NEK11: variants seen among roughly 807,000 people sequenced by gnomAD.
NEK11 encodes NIMA related kinase 11, also known as serine/threonine-protein kinase Nek11.
Under a neutral mutation model 80.7 loss-of-function variants are expected in NEK11, and 72 were observed. The observed-to-expected ratio is 0.89, with a 90% CI of 0.74 to 1.08. The LOEUF (loss-of-function observed/expected upper bound fraction) is 1.08. Among genes scored for constraint, NEK11 ranks in the 50% least tolerant of loss-of-function variants. The pLI, the probability that NEK11 is intolerant of heterozygous loss-of-function variation, is 0.00. For missense variants in NEK11, 764 were observed against 763.6 expected, an observed-to-expected ratio of 1.00 and a Z score of -0.01; for synonymous variants, 251 against 260.7, an observed-to-expected ratio of 0.96 and a Z score of 0.36.
chr3:131,124,113 C>A (rs1232545787), intron 5 of NEK11, among the ~76,000 whole-genome samples: 4 of 152,076 alleles, frequency 2.6e-5, no homozygotes, highest in African/African-American at 7.2e-5. Flanking sequence ...TAACCAAACT[C>A]CAGAAAAGGT....
At chr3:131,044,422 C>CAAAAAAAAAAAAAAAAA (rs57412173) in intron 3 of NEK11, among the ~76,000 whole-genome samples, 5 of 37,760 alleles carry the variant, frequency 1.3e-4, no homozygotes, top group Non-Finnish European at 2.0e-4. Context: ...AAATGGAAAG[C>CAAAAAAAAAAAAAAAAA]AAAAAAAAAA....
At chr3:131,078,248 C>T (rs114691209) in intron 3 of NEK11, among the ~76,000 whole-genome samples, 2 of 152,046 alleles carry the variant, frequency 1.3e-5, no homozygotes, top group Non-Finnish European at 2.9e-5. Context: ...AAGTGACTTC[C>T]CAGTAATGGT....
At chr3:131,123,487 T>C (rs1298275329) in intron 5 of NEK11, among the ~76,000 whole-genome samples, 1 of 152,156 alleles carries the variant, frequency 6.6e-6, no homozygotes, top group African/African-American at 2.4e-5. Context: ...TCAATAGATA[T>C]TTAGCAAATA....
At chr3:131,265,361 T>A (rs1017859576) in intron 16 of NEK11, among the ~76,000 whole-genome samples, 2 of 152,200 alleles carry the variant, frequency 1.3e-5, no homozygotes, top group African/African-American at 4.8e-5. Context: ...TTGTCATAAA[T>A]AGCTTTTATT....
At chr3:131,049,986 G>A (rs75089254) in intron 3 of NEK11, among the ~76,000 whole-genome samples, 7,172 of 151,784 alleles carry the variant, frequency 0.047, 262 homozygotes, top group Middle Eastern at 0.086. Context: ...AAATCAAAAG[G>A]CATTAATATG....
At chr3:131,202,026 G>T (rs910409870) in intron 14 of NEK11, among the ~76,000 whole-genome samples, 1 of 151,770 alleles carries the variant, frequency 6.6e-6, no homozygotes, top group Non-Finnish European at 1.5e-5. Flanking sequence ...GTAGAGACGG[G>T]GTTTCACCAT....
intron 14 of NEK11, among the ~76,000 whole-genome samples, chr3:131,214,305 T>C (rs899517637): frequency 6.6e-6 from 1 of 152,190 alleles, no homozygotes; most frequent in African/African-American, 2.4e-5. Context: ...ACCATCCCAT[T>C]CTACACGTAA....
intron 5 of NEK11, among the ~76,000 whole-genome samples, chr3:131,120,731 T>C (rs1204930975): frequency 6.6e-6 from 1 of 152,196 alleles, no homozygotes; most frequent in Non-Finnish European, 1.5e-5. Flanking sequence ...ATTCATCTGA[T>C]CTTCAATTAC....
intron 14 of NEK11, among the ~76,000 whole-genome samples, chr3:131,207,086 TTCCAAG>T (rs1443114591): frequency 6.6e-6 from 1 of 152,254 alleles, no homozygotes; most frequent in Non-Finnish European, 1.5e-5. Context: ...TTTGGGTTGG[TTCCAAG>T]TCTTTGCTAT....
intron 17 of NEK11, among the ~76,000 whole-genome samples, chr3:131,331,829 G>A (rs1012613614): frequency 1.3e-5 from 2 of 152,248 alleles, no homozygotes; most frequent in Admixed American, 1.3e-4. Flanking sequence ...AACTGGCTCG[G>A]AGGGTCCTAC....
intron 3 of NEK11, among the ~76,000 whole-genome samples, chr3:131,079,550 T>C (rs2074900437): frequency 6.6e-6 from 1 of 152,218 alleles, no homozygotes; most frequent in Admixed American, 6.5e-5. Context: ...TATTTTTTCC[T>C]ATAGTCTAGT....
At chr3:131,170,935 A>C (rs1346858480) in intron 14 of NEK11, 48 bp downstream of exon 14, 2 of 1,424,800 alleles carry the variant, frequency 1.4e-6, no homozygotes, top group Non-Finnish European at 2.0e-6. Flanking sequence ...GCTGCTGCAC[A>C]GGTTGCTGTG....
intron 17 of NEK11, among the ~76,000 whole-genome samples, chr3:131,290,416 C>T (rs2096531634): frequency 6.6e-6 from 1 of 152,180 alleles, no homozygotes; most frequent in Non-Finnish European, 1.5e-5. Flanking sequence ...TTGTCAGCAG[C>T]AATGTTCTGA....
At chr3:131,248,688 G>T (rs1427844) in intron 16 of NEK11, among the ~76,000 whole-genome samples, 1 of 152,068 alleles carries the variant, frequency 6.6e-6, no homozygotes, top group Non-Finnish European at 1.5e-5. Context: ...TGGCATGCAG[G>T]CTGTCTACCC....
chr3:131,255,050 G>GAGAGAGAC (rs1222083767), intron 16 of NEK11, among the ~76,000 whole-genome samples: 1,990 of 132,544 alleles, frequency 0.015, 60 homozygotes, highest in Admixed American at 0.038. Context: ...GAGAGAGAGA[G>GAGAGAGAC]AGACAGACAG....
At chr3:131,189,481 T>A (rs569405437) in intron 14 of NEK11, among the ~76,000 whole-genome samples, 1 of 152,314 alleles carries the variant, frequency 6.6e-6, no homozygotes, top group African/African-American at 2.4e-5. Flanking sequence ...ACTGCATCTT[T>A]TATAAGGGTA....
Position 131,152,464 on chromosome 3 carries a change from T to G in NEK11, c.724T>G (p.Leu242Val). 6.2e-7 allele frequency: 1 copy of G among 1,613,950 alleles called. No homozygotes were observed. Among genetic ancestry groups the G allele is most frequent in the Non-Finnish European group, 8.5e-7 (1 of 1,179,872 alleles). Residue 242 changes from leucine to valine, a missense_variant, in exon 8 of 18, where the codon TTA becomes GTA. Leu to Val is a conservative substitution (Grantham distance 32). Coordinates refer to ENST00000383366, the MANE Select transcript of NEK11 (RefSeq NM_024800.5). ...FAGSNFLSIVLKIVEGDTPSL... is the reference protein window; with the variant it reads ...FAGSNFLSIVVKIVEGDTPSL... ...TGGCTCCAATTTCTTATCCATTGTTTTAAAAATTGTTGAAGGTGACACACC... is the reference window on the plus strand; with the variant it reads ...TGGCTCCAATTTCTTATCCATTGTTGTAAAAATTGTTGAAGGTGACACACC...
At chr3:131,174,951 G>T in intron 14 of NEK11, 1 of 1,407,658 alleles carries the variant, frequency 7.1e-7, no homozygotes, top group Non-Finnish European at 9.2e-7. Context: ...TTCCTGTTCA[G>T]CCACTCTTTA....
chr3:131,072,306 A>C (rs7653839), intron 3 of NEK11: 138,428 of 152,234 alleles, frequency 0.91, 63,470 homozygotes, highest in Non-Finnish European at 0.95. Context: ...CAAGGAGTCA[A>C]ATGCAGATGA....
Sources: gnomAD v4.1 joint callset for allele counts (sites outside exome capture counted in the v4.1 genomes callset) on GRCh38, gnomAD v4.1.1 for gene constraint, MANE v1.5 for transcripts, NCBI Gene and HGNC (gene_info 2026-07-23, HGNC 2026-07-21) for gene names.